The following CFAP20DC variants were observed in gnomAD, a reference collection of about 807,000 sequenced individuals.
The protein encoded by CFAP20DC is CFAP20 domain containing.
A neutral mutation model predicts 101.7 loss-of-function variants in CFAP20DC; 84 were observed. The ratio of observed to expected loss-of-function variants is 0.83; its 90% CI spans 0.69 to 0.99. The LOEUF is 0.99. Ranked by LOEUF, CFAP20DC falls within the 50% of genes least tolerant of loss-of-function variation. The probability of loss-of-function intolerance (pLI) is 0.00; values close to 1 mark genes in which losing one functional copy is unlikely to be tolerated. For synonymous variants in CFAP20DC, 359 were observed against 351.2 expected, an observed-to-expected ratio of 1.02 and a Z score of -0.25; for missense variants, 1,007 against 970.3, an observed-to-expected ratio of 1.04 and a Z score of -0.50.
chr3:58,877,696 G>T (rs1448892982), intron 7 of CFAP20DC, among the ~76,000 whole-genome samples: 3 of 152,146 alleles, frequency 2.0e-5, no homozygotes, highest in African/African-American at 7.2e-5. Flanking sequence ...ATTGAAGCAG[G>T]TTCTTCCCAT....
chr3:59,013,983 T>C (rs1178116120), intron 4 of CFAP20DC, among the ~76,000 whole-genome samples: 2 of 152,216 alleles, frequency 1.3e-5, no homozygotes, highest in Non-Finnish European at 2.9e-5. Context: ...GGAAGGATAA[T>C]ACTGAATTCA....
At chr3:59,003,219 AT>A (rs1020241811) in intron 4 of CFAP20DC, among the ~76,000 whole-genome samples, 2 of 151,192 alleles carry the variant, frequency 1.3e-5, no homozygotes, top group African/African-American at 4.8e-5. Flanking sequence ...ATTTCTCTCT[AT>A]TTTTTTTATA....
intron 15 of CFAP20DC, among the ~76,000 whole-genome samples, chr3:58,757,730 TA>T (rs1432340667): frequency 6.6e-6 from 1 of 152,118 alleles, no homozygotes; most frequent in African/African-American, 2.4e-5. Context: ...TGTTCTGGTA[TA>T]AGGTATATCT....
intron 11 of CFAP20DC, among the ~76,000 whole-genome samples, chr3:58,865,176 C>T (rs1464785831): frequency 6.7e-6 from 1 of 149,558 alleles, no homozygotes; most frequent in Non-Finnish European, 1.5e-5. Flanking sequence ...GGTAATTTTA[C>T]ACCTGATTCT....
At chr3:59,032,409 A>C (rs2094012357) in intron 4 of CFAP20DC, among the ~76,000 whole-genome samples, 1 of 152,162 alleles carries the variant, frequency 6.6e-6, no homozygotes, top group Non-Finnish European at 1.5e-5. Flanking sequence ...AGCTCAGCAG[A>C]TCCCACCCCT....
At position 58,988,286 on chromosome 3, in the gene CFAP20DC, A is replaced by G. The variant is rs113305987; in HGVS notation, c.279-50524T>C. ...CAAGCTTTAGCAAACTAGAAAAGTA[A>G]GCACTTTAATCTATGACTAAGTTAT... is the stretch of plus-strand genomic sequence containing the variant. On this transcript the variant is annotated intron_variant, in intron 4 of 16. Transcript: ENST00000482387. 5.3e-3 allele frequency among the ~76,000 whole-genome samples: 808 copies of G among 152,292 alleles called. 2 individuals are homozygous for G. The highest frequency in any genetic ancestry group is 0.024 in the Middle Eastern group (7 of 294).
downstream of CFAP20DC, among the ~76,000 whole-genome samples, chr3:58,716,396 C>T (rs1296358797): frequency 2.0e-5 from 3 of 151,760 alleles, no homozygotes; most frequent in Non-Finnish European, 4.4e-5. Context: ...ATCTCCTGAC[C>T]TCATGATCCA....
At chr3:58,952,582 A>G (rs986666326) in intron 4 of CFAP20DC, among the ~76,000 whole-genome samples, 1 of 152,140 alleles carries the variant, frequency 6.6e-6, no homozygotes, top group Non-Finnish European at 1.5e-5. Flanking sequence ...ATAGATGCCT[A>G]TGTAATCCTC....
intron 13 of CFAP20DC, among the ~76,000 whole-genome samples, chr3:58,843,225 A>T (rs2077309930): frequency 6.6e-6 from 1 of 152,144 alleles, no homozygotes; most frequent in African/African-American, 2.4e-5. Context: ...GAGCTACGGG[A>T]GGACATTCAA....
chr3:58,799,518 G>A lies in CFAP20DC; in HGVS notation c.2237+6877C>T, dbSNP rs1006363731. On this transcript the variant is annotated intron_variant, in intron 15 of 16. Transcript: ENST00000482387. This position sits in a 1 kb window ranked among gnomAD's most constrained non-coding sequence, Gnocchi z 4.9. ...GACGTAGCTAGTGTAGAGAGATGAG[G>A]GAAGTTCATTTTTAAGTGGTGAGAT... Among the ~76,000 whole-genome samples, 6 of 152,056 alleles carry A rather than the reference G, an allele frequency of 3.9e-5. No individual in the cohort carries two copies. Among genetic ancestry groups the A allele is most frequent in the African/African-American group, 1.4e-4 (6 of 41,390 alleles).
At chr3:58,816,696 G>A (rs2075188223) in intron 14 of CFAP20DC, among the ~76,000 whole-genome samples, 1 of 152,326 alleles carries the variant, frequency 6.6e-6, no homozygotes, top group East Asian at 1.9e-4. Flanking sequence ...ACTGCAAGGT[G>A]GAAGCGAGGC....
chr3:58,913,492 A>G lies in CFAP20DC; in HGVS notation c.550+216T>C, dbSNP rs1305175018. Reference sequence around the variant, plus strand: ...GTTACCATAAAGAAAAAAGAAAACAACCACAAAAAGAAGATTAATACCTTT... The same window carrying G: ...GTTACCATAAAGAAAAAAGAAAACAGCCACAAAAAGAAGATTAATACCTTT... On this transcript the variant is annotated intron_variant, in intron 6 of 16. Transcript: ENST00000482387. The surrounding 1 kb of genome is among the most constrained non-coding windows in gnomAD (Gnocchi z 4.4). 1.6e-6 allele frequency: 1 copy of G among 609,338 alleles called. No individual in the cohort carries two copies. Among genetic ancestry groups the G allele is most frequent in the East Asian group, 2.7e-5 (1 of 36,536 alleles). The allele number at this position is 609,338 out of a possible 1,614,324, so 37.7% of individuals were successfully genotyped here.
intron 3 of CFAP20DC, among the ~76,000 whole-genome samples, chr3:58,734,235 C>A (rs565869878): frequency 3.0e-4 from 46 of 152,218 alleles, no homozygotes; most frequent in Non-Finnish European, 5.6e-4. Flanking sequence ...GCTTCCTGTA[C>A]AGCCTGCAGA....
chr3:58,977,006 A>G (rs2092307254), intron 4 of CFAP20DC, among the ~76,000 whole-genome samples: 1 of 152,224 alleles, frequency 6.6e-6, no homozygotes, highest in Admixed American at 6.5e-5. Context: ...ATTTATTTCA[A>G]TATTAGAAGT....
chr3:58,864,203 C>A lies in CFAP20DC; in HGVS notation c.1259-311G>T. On this transcript the variant is annotated intron_variant, in intron 11 of 16. Coordinates refer to ENST00000482387, the MANE Select transcript of CFAP20DC (RefSeq NM_001394063.1). This position sits in a 1 kb window ranked among gnomAD's most constrained non-coding sequence, Gnocchi z 4.7. ...TGAACTCCTGACTTCATGATCTGCC[C>A]GCCTCGGCCTCCCAAAAAGCTGGGA... Among the ~76,000 whole-genome samples the A allele has an allele frequency of 6.6e-6, 1 of 152,096 alleles. No homozygotes were observed. Among genetic ancestry groups the A allele is most frequent in the East Asian group, 1.9e-4 (1 of 5,176 alleles).
In CFAP20DC at chr3:58,864,950, A is replaced by G. The variant is rs12638187; in HGVS notation, c.1259-1058T>C. ...ACTTTTAAAGACTTCAATCTTTCAT[A>G]TCACATTGAGATAGAGTTTATAGCT... On this transcript the variant is annotated intron_variant, in intron 11 of 16. Coordinates refer to ENST00000482387, the MANE Select transcript of CFAP20DC (RefSeq NM_001394063.1). The surrounding 1 kb of genome is among the most constrained non-coding windows in gnomAD (Gnocchi z 4.7). Among the ~76,000 whole-genome samples the G allele has an allele frequency of 0.069, 10,570 of 152,254 alleles. 674 individuals carry two copies. Among genetic ancestry groups the G allele is most frequent in the East Asian group, 0.36 (1,866 of 5,178 alleles).
At chr3:59,017,145 C>A (rs2093705419) in intron 4 of CFAP20DC, 1 of 152,092 alleles carries the variant, frequency 6.6e-6, no homozygotes, top group South Asian at 2.1e-4. Flanking sequence ...CTAATGAGCA[C>A]AACTGAACTG....
intron 12 of CFAP20DC, among the ~76,000 whole-genome samples, chr3:58,856,537 C>T (rs2078843043): frequency 6.6e-6 from 1 of 152,144 alleles, no homozygotes; most frequent in African/African-American, 2.4e-5. Flanking sequence ...GCTTGTCCTT[C>T]CCCACCAGTC....
chr3:59,004,744 G>A (rs2093395764), intron 4 of CFAP20DC, among the ~76,000 whole-genome samples: 1 of 152,054 alleles, frequency 6.6e-6, no homozygotes, highest in African/African-American at 2.4e-5. Context: ...TCTTTAACTG[G>A]GGTACAAATT....
Sources: allele counts gnomAD v4.1 joint callset (sites outside exome capture counted in the v4.1 genomes callset), GRCh38; gene constraint gnomAD v4.1.1; non-coding constraint Gnocchi (gnomAD v3.1); transcripts MANE v1.5; gene names NCBI Gene and HGNC (gene_info 2026-07-23, HGNC 2026-07-21).